CHN2: variants seen among roughly 807,000 people sequenced by gnomAD.
The protein encoded by CHN2 is beta-chimaerin.
Under a neutral mutation model 56.3 loss-of-function variants are expected in CHN2, and 35 were observed. The ratio of observed to expected loss-of-function variants is 0.62; its 90% confidence interval spans 0.47 to 0.82. CHN2 has a LOEUF of 0.82. Ranked by LOEUF, CHN2 falls within the 40% of genes least tolerant of loss-of-function variation. The pLI is 0.00. For missense variants in CHN2, 491 were observed against 580.5 expected, an observed-to-expected ratio of 0.85 and a Z score of 1.58; for synonymous variants, 210 against 212.8, an observed-to-expected ratio of 0.99 and a Z score of 0.12.
At chr7:29,457,206 T>C (rs1784831407) in intron 6 of CHN2, among the ~76,000 whole-genome samples, 1 of 152,154 alleles carries the variant, frequency 6.6e-6, no homozygotes, top group Admixed American at 6.5e-5. Context: ...TCAGGCTTCC[T>C]TCAGGCTGTA....
chr7:29,202,446 T>G (rs1235612301), intron 1 of CHN2, among the ~76,000 whole-genome samples: 1 of 152,248 alleles, frequency 6.6e-6, no homozygotes, highest in Non-Finnish European at 1.5e-5. Context: ...CTCCTTGAAC[T>G]TCTGTTACCA....
chr7:29,179,622 A>G (rs974561737), intron 2 of CHN2, among the ~76,000 whole-genome samples: 3 of 152,230 alleles, frequency 2.0e-5, no homozygotes, highest in African/African-American at 7.2e-5. Flanking sequence ...TGCCAAATAG[A>G]ATTACTCTGA....
intron 1 of CHN2, among the ~76,000 whole-genome samples, chr7:29,277,133 C>T (rs796822581): frequency 2.0e-5 from 3 of 152,278 alleles, no homozygotes; most frequent in African/African-American, 4.8e-5. Context: ...GAACAAGACC[C>T]GGTCCTGTGT....
chr7:29,370,362 G>A (rs1056796047), intron 3 of CHN2, among the ~76,000 whole-genome samples: 2 of 152,170 alleles, frequency 1.3e-5, no homozygotes, highest in African/African-American at 4.8e-5. Context: ...TTCTGTGTGA[G>A]TTTGTGGCCA....
chr7:29,308,738 G>C (rs542236897), intron 1 of CHN2, among the ~76,000 whole-genome samples: 1 of 152,222 alleles, frequency 6.6e-6, no homozygotes, highest in Non-Finnish European at 1.5e-5. Context: ...GGAAAATTCA[G>C]TAGTTGGGTG....
rs192372000 is a variant in CHN2 at position 29,386,468 on chromosome 7, C to T, written c.145-7211C>T. Among the ~76,000 whole-genome samples the T allele has an allele frequency of 1.6e-3, 239 of 152,150 alleles. 1 individual carries two copies. Among genetic ancestry groups the T allele is most frequent in the Admixed American group, 2.7e-3 (41 of 15,278 alleles). ...GTAAAAACTTAACATATACCAGCTG[C>T]GGAGGGATTACAAAAGCTTTGTTCT... On this transcript the variant is annotated intron_variant, in intron 3 of 12. Coordinates refer to ENST00000222792, the MANE Select transcript of CHN2 (RefSeq NM_004067.4).
chr7:29,197,675 A>T (rs939935171), intron 1 of CHN2, among the ~76,000 whole-genome samples: 3 of 152,234 alleles, frequency 2.0e-5, no homozygotes, highest in African/African-American at 4.8e-5. Context: ...TTAAATAAGC[A>T]CGCGAGTGTT....
At chr7:29,263,238 C>G (rs950454891) in intron 1 of CHN2, among the ~76,000 whole-genome samples, 1 of 152,234 alleles carries the variant, frequency 6.6e-6, no homozygotes, top group African/African-American at 2.4e-5. Context: ...CCGTGTTGGC[C>G]GGGCTGGTCT....
intron 6 of CHN2, among the ~76,000 whole-genome samples, chr7:29,431,035 G>GAGAGTAACTGGGGGGC: frequency 6.6e-6 from 1 of 152,164 alleles, no homozygotes. Flanking sequence ...GTAAGAAAGA[G>GAGAGTAACTGGGGGGC]AGAGTAACTG....
At chr7:29,351,074 C>T (rs934922584) in intron 1 of CHN2, among the ~76,000 whole-genome samples, 3 of 138,406 alleles carry the variant, frequency 2.2e-5, no homozygotes, top group African/African-American at 8.1e-5. Context: ...CACCACTGCA[C>T]TCTAGCGTGG....
At chr7:29,344,441 C>T (rs904644772) in intron 1 of CHN2, among the ~76,000 whole-genome samples, 1 of 152,092 alleles carries the variant, frequency 6.6e-6, no homozygotes, top group Non-Finnish European at 1.5e-5. Flanking sequence ...AATCCCTCAC[C>T]CCTCCAAAAC....
chr7:29,183,693 C>A (rs965374640), intron 2 of CHN2, among the ~76,000 whole-genome samples: 1 of 151,856 alleles, frequency 6.6e-6, no homozygotes, highest in Non-Finnish European at 1.5e-5. Flanking sequence ...TTTTTAAGTG[C>A]TGAATTGGTG....
chr7:29,241,659 A>T (rs937967843), intron 1 of CHN2, among the ~76,000 whole-genome samples: 2 of 152,062 alleles, frequency 1.3e-5, no homozygotes, highest in African/African-American at 4.8e-5. Context: ...TAAAGGGTGA[A>T]GGAAAGGGCA....
At chr7:29,496,133 C>G in intron 8 of CHN2, 97 bp downstream of exon 8, 2 of 971,852 alleles carry the variant, frequency 2.1e-6, no homozygotes, top group Non-Finnish European at 3.0e-6. Context: ...CTCAGATTAG[C>G]TCAAAAGTCT....
At chr7:29,342,150 G>A (rs1466138787) in intron 1 of CHN2, among the ~76,000 whole-genome samples, 1 of 152,220 alleles carries the variant, frequency 6.6e-6, no homozygotes, top group Non-Finnish European at 1.5e-5. Context: ...CTGTGGTACA[G>A]TGCCTGGCAC....
At chr7:29,381,775 G>A (rs1020096261) in intron 3 of CHN2, among the ~76,000 whole-genome samples, 3 of 95,766 alleles carry the variant, frequency 3.1e-5, no homozygotes, top group African/African-American at 1.2e-4. Flanking sequence ...GAATTCTATT[G>A]TAAGCAATAA....
At chr7:29,499,432 A>G (rs913326130) in intron 8 of CHN2, among the ~76,000 whole-genome samples, 1 of 152,142 alleles carries the variant, frequency 6.6e-6, no homozygotes, top group Non-Finnish European at 1.5e-5. Context: ...CAGAAAGAGT[A>G]ACTCTGCCTC....
chr7:29,169,758 T>C (rs2128722991), intron 2 of CHN2, among the ~76,000 whole-genome samples: 1 of 152,130 alleles, frequency 6.6e-6, no homozygotes, highest in African/African-American at 2.4e-5. Flanking sequence ...GTTTGCTCAG[T>C]CAGAGCTGGT....
At chr7:29,159,902 A>G (rs533816978) in intron 2 of CHN2, among the ~76,000 whole-genome samples, 1 of 152,314 alleles carries the variant, frequency 6.6e-6, no homozygotes, top group South Asian at 2.1e-4. Flanking sequence ...ATGCTTAAGT[A>G]TTTGTGGAAG....
Sources: gnomAD v4.1 joint callset for allele counts (sites outside exome capture counted in the v4.1 genomes callset) on GRCh38, gnomAD v4.1.1 for gene constraint, MANE v1.5 for transcripts, NCBI Gene and HGNC (gene_info 2026-07-23, HGNC 2026-07-21) for gene names.